ANKRD33B: variants seen among roughly 807,000 people sequenced by gnomAD.
ANKRD33B encodes the protein ankyrin repeat domain 33B.
A neutral mutation model predicts 21.5 loss-of-function variants in ANKRD33B; 6 were observed. The observed-to-expected ratio is 0.28, with a 90% CI of 0.15 to 0.55. ANKRD33B has a LOEUF of 0.55. Among genes scored for constraint, ANKRD33B ranks in the 20% least tolerant of loss-of-function variants. The pLI is 0.94. For missense variants in ANKRD33B, 698 were observed against 747.2 expected (o/e 0.93, Z 0.77); for synonymous variants, 347 against 342.4 (o/e 1.01, Z -0.15).
chr5:10,599,904 A>G (rs1359819978), intron 1 of ANKRD33B, among the ~76,000 whole-genome samples: 7 of 152,252 alleles, frequency 4.6e-5, no homozygotes. Flanking sequence ...CTGAGGAACA[A>G]CCAAGCTATT....
intron 1 of ANKRD33B, among the ~76,000 whole-genome samples, chr5:10,588,446 T>C (rs1226855237): frequency 2.0e-5 from 3 of 152,230 alleles, no homozygotes; most frequent in Admixed American, 6.5e-5. Flanking sequence ...CACATCTTTG[T>C]ACAGAAACCT....
intron 2 of ANKRD33B, among the ~76,000 whole-genome samples, chr5:10,631,521 C>G (rs753294568): frequency 3.3e-5 from 5 of 152,200 alleles, no homozygotes; most frequent in African/African-American, 7.2e-5. Context: ...TTGCAGCCTG[C>G]AGGGTGGCTA....
chr5:10,609,831 C>T (rs1736126484), intron 1 of ANKRD33B, among the ~76,000 whole-genome samples: 1 of 152,150 alleles, frequency 6.6e-6, no homozygotes. Context: ...ATCGCTTGAA[C>T]CCAGGAGATG....
At chr5:10,564,958 A>G (rs1359750407) in intron 1 of ANKRD33B, 125 bp downstream of exon 1, 5 of 1,322,260 alleles carry the variant, frequency 3.8e-6, no homozygotes, top group Non-Finnish European at 5.0e-6. Context: ...GCCGCCGCCC[A>G]GAGCGCCTTT....
At chr5:10,637,246 T>G (rs550114377) in intron 2 of ANKRD33B, among the ~76,000 whole-genome samples, 107 of 152,316 alleles carry the variant, frequency 7.0e-4, no homozygotes, top group Admixed American at 1.2e-3. Context: ...TATTCACCAT[T>G]AACTGAGAGC....
intron 1 of ANKRD33B, among the ~76,000 whole-genome samples, chr5:10,587,537 C>T (rs990472859): frequency 6.8e-6 from 1 of 146,736 alleles, no homozygotes; most frequent in Admixed American, 6.8e-5. Flanking sequence ...TTTTATTATT[C>T]TTCTGATACA....
intron 1 of ANKRD33B, among the ~76,000 whole-genome samples, chr5:10,577,682 G>A (rs1181506590): frequency 2.0e-5 from 3 of 152,228 alleles, no homozygotes; most frequent in African/African-American, 4.8e-5. Context: ...TTTAAAACTC[G>A]AGAGACAATA....
At chr5:10,583,867 A>G (rs2126554851) in intron 1 of ANKRD33B, among the ~76,000 whole-genome samples, 1 of 152,268 alleles carries the variant, frequency 6.6e-6, no homozygotes, top group Non-Finnish European at 1.5e-5. Context: ...TGTTGTTTGA[A>G]TCTTAACATT....
intron 1 of ANKRD33B, among the ~76,000 whole-genome samples, chr5:10,604,004 C>T (rs554593717): frequency 6.6e-6 from 1 of 151,434 alleles, no homozygotes; most frequent in East Asian, 1.9e-4. Context: ...AAGCGATTCT[C>T]CTGCCTCAGC....
chr5:10,624,164 C>G (rs1736489499), intron 2 of ANKRD33B, among the ~76,000 whole-genome samples: 1 of 130,936 alleles, frequency 7.6e-6, no homozygotes, highest in African/African-American at 3.0e-5. Flanking sequence ...GAGTCTTGCT[C>G]TATCGCCCAG....
intron 1 of ANKRD33B, among the ~76,000 whole-genome samples, chr5:10,608,294 A>G (rs1208015717): frequency 6.6e-6 from 1 of 150,998 alleles, no homozygotes; most frequent in East Asian, 2.0e-4. Flanking sequence ...TGAGGCGGAC[A>G]TTGCAGTGAG....
At chr5:10,649,213 G>T (rs1172241904) in intron 3 of ANKRD33B, 53 bp from the exon 4 acceptor site, 1 of 1,477,298 alleles carries the variant, frequency 6.8e-7, no homozygotes, top group African/African-American at 1.4e-5. Context: ...TGCCTGGGAG[G>T]GAAGAGTCCT....
rs1269087943 is a variant in ANKRD33B at position 10,649,495 on chromosome 5, C to A, written c.867C>A (p.Ser289=). 2 of 1,534,766 alleles carry A rather than the reference C, an allele frequency of 1.3e-6. No individual in the cohort carries two copies. Among genetic ancestry groups the A allele is most frequent in the Admixed American group, 3.9e-5 (2 of 50,952 alleles). ...AGAGGCTCACAGACTGCGTGCTGTC[C>A]GTGCTGACGCCGCGCTCCGTGCGGG... is the stretch of plus-strand genomic sequence containing the variant. ...CLQRLTDCVL[S]VLTPRSVRGP... The change falls in exon 4 of 4, where the codon TCC becomes TCA. Residue 289 remains serine, a synonymous_variant. Coordinates refer to ENST00000296657, the MANE Select transcript of ANKRD33B (RefSeq NM_001164440.2).
rs58778167 is a variant in ANKRD33B, at chr5:10,575,782, C to T, written c.366+10949C>T. ...GTTATATGCTGTATGCTTCCATTGA[C>T]GTCACAGTCTTGAAATAATGCCGTT... On this transcript the variant is annotated intron_variant, in intron 1 of 3. Coordinates refer to ENST00000296657, the MANE Select transcript of ANKRD33B (RefSeq NM_001164440.2). 3.6e-3 allele frequency among the ~76,000 whole-genome samples: 541 copies of T among 152,256 alleles called. 4 individuals are homozygous for T. Among genetic ancestry groups the T allele is most frequent in the African/African-American group, 0.012 (512 of 41,540 alleles).
At chr5:10,627,397 G>A (rs1028019749) in intron 2 of ANKRD33B, 1 of 152,248 alleles carries the variant, frequency 6.6e-6, no homozygotes, top group Non-Finnish European at 1.5e-5. Flanking sequence ...TTGGGTATAA[G>A]GAACCTCTGA....
chr5:10,571,835 A>C (rs1735200369), intron 1 of ANKRD33B, among the ~76,000 whole-genome samples: 2 of 152,092 alleles, frequency 1.3e-5, no homozygotes, highest in South Asian at 4.1e-4. Flanking sequence ...CCCAGGCCAC[A>C]TCTCAGAATT....
At chr5:10,646,420 A>C (rs1005994154) in intron 3 of ANKRD33B, among the ~76,000 whole-genome samples, 1 of 152,238 alleles carries the variant, frequency 6.6e-6, no homozygotes, top group Non-Finnish European at 1.5e-5. Context: ...TTCCTAAGGC[A>C]GCAGATCCCT....
chr5:10,641,197 A>C (rs1302701277), intron 3 of ANKRD33B, among the ~76,000 whole-genome samples: 1 of 140,626 alleles, frequency 7.1e-6, no homozygotes, highest in African/African-American at 2.6e-5. Flanking sequence ...TCTTCTTCTT[A>C]GTTGTCCCCA....
At chr5:10,649,070 G>A (rs979625181) in intron 3 of ANKRD33B, among the ~76,000 whole-genome samples, 196 bp from the exon 4 acceptor site, 3 of 151,074 alleles carry the variant, frequency 2.0e-5, no homozygotes, top group Non-Finnish European at 4.4e-5. Flanking sequence ...ACGTGTTCCC[G>A]CCACTGCACT....
Sources: gnomAD v4.1 joint callset for allele counts (sites outside exome capture counted in the v4.1 genomes callset) on GRCh38, gnomAD v4.1.1 for gene constraint, MANE v1.5 for transcripts, NCBI Gene and HGNC (gene_info 2026-07-23, HGNC 2026-07-21) for gene names.